Variants in LIMS2 observed in about 807,000 individuals in gnomAD.
LIMS2 encodes the protein LIM zinc finger domain containing 2, also known as LIM and senescent cell antigen-like-containing domain protein 2.
In LIMS2, 30 loss-of-function variants were observed where a neutral mutation model predicts 45.3. The ratio of observed to expected loss-of-function variants is 0.66; its 90% CI spans 0.50 to 0.90. The LOEUF is 0.90. LIMS2 is among the 40% of genes least tolerant of loss of function. LIMS2 has a pLI of 0.00. For missense variants in LIMS2, 485 were observed against 468.7 expected (o/e 1.03, Z -0.32); for synonymous variants, 173 against 188.0 (o/e 0.92, Z 0.65).
intron 1 of LIMS2, among the ~76,000 whole-genome samples, chr2:127,658,045 T>C (rs959127849): frequency 2.0e-5 from 3 of 152,226 alleles, no homozygotes; most frequent in East Asian, 1.9e-4. Context: ...AGTTTCAAAC[T>C]GACTGCCTCC....
upstream of LIMS2, among the ~76,000 whole-genome samples, chr2:127,676,137 TG>T (rs1199358274): frequency 6.6e-6 from 1 of 152,166 alleles, no homozygotes; most frequent in African/African-American, 2.4e-5. Flanking sequence ...AGCTGGACAG[TG>T]GCGTGCAGCT....
At chr2:127,646,111 C>T (rs1682947234) in intron 4 of LIMS2, 1 of 152,314 alleles carries the variant, frequency 6.6e-6, no homozygotes, top group Non-Finnish European at 1.5e-5. Context: ...GCTGTGGTCT[C>T]CCTTCCTCTC....
intron 2 of LIMS2, chr2:127,656,183 G>A (rs921576301): frequency 6.6e-6 from 1 of 152,156 alleles, no homozygotes; most frequent in Non-Finnish European, 1.5e-5. Flanking sequence ...CCCATTGTAC[G>A]CTGATATAAT....
In LIMS2 at chr2:127,655,193, T is replaced by G. The variant is rs575839261; in HGVS notation, c.172-297A>C. The G allele has an allele frequency of 1.3e-5, 7 of 525,894 alleles. No individual in the cohort carries two copies. In the East Asian group the frequency reaches 2.4e-4, roughly 18 times the overall value. The allele number at this position is 525,894 out of a possible 1,614,324, so 32.6% of individuals were successfully genotyped here. ...GACCCTGTTGGTCCGGAGAACAGGCTGGGGGCGAGGCGGTTTTAAGCCAGG... is the reference window on the plus strand; with the variant it reads ...GACCCTGTTGGTCCGGAGAACAGGCGGGGGGCGAGGCGGTTTTAAGCCAGG... On this transcript the variant is annotated intron_variant, in intron 2 of 9. Transcript: ENST00000355119.
intron 1 of LIMS2, among the ~76,000 whole-genome samples, chr2:127,665,684 C>T (rs930366883): frequency 6.6e-6 from 1 of 152,172 alleles, no homozygotes; most frequent in Non-Finnish European, 1.5e-5. Context: ...AAAACTTACA[C>T]CGAAAATGTT....
In LIMS2 at chr2:127,642,165, C is replaced by A; in HGVS notation, c.544G>T (p.Gly182Cys). 6.3e-7 allele frequency: 1 copy of A among 1,580,882 alleles called. No individual in the cohort carries two copies. Among genetic ancestry groups the A allele is most frequent in the Non-Finnish European group, 8.6e-7 (1 of 1,159,500 alleles). Residue 182 changes from glycine (G) to cysteine (C), a missense_variant, in exon 6 of 10, where the codon GGT becomes TGT. Gly to Cys is a radical substitution (Grantham distance 159). Coordinates refer to ENST00000355119, the MANE Select transcript of LIMS2 (RefSeq NM_001161403.3). The surrounding 1 kb of genome is among the most constrained non-coding windows in gnomAD (Gnocchi z 5.3). ...TGGCAGGGCAGGCAGTAGAGCTCAC[C>A]CTTCAGCTCGCGGGCCTCGGCTGTC... ...ELTAEARELK[G>C]ELYCLPCHDK... is the part of the protein sequence containing the mutation.
chr2:127,659,638 C>A (rs902839243), intron 1 of LIMS2, among the ~76,000 whole-genome samples: 18 of 152,190 alleles, frequency 1.2e-4, no homozygotes, highest in African/African-American at 4.3e-4. Flanking sequence ...TTAGAGAAGT[C>A]GGAAATCAAC....
intron 1 of LIMS2, among the ~76,000 whole-genome samples, chr2:127,680,989 C>G (rs560595798): frequency 2.6e-5 from 4 of 152,340 alleles, no homozygotes; most frequent in African/African-American, 7.2e-5. Flanking sequence ...CTTCCACATA[C>G]TGAGGGTCAC....
Position 127,664,357 on chromosome 2 carries a change from G to A in LIMS2, c.12-6795C>T, listed in dbSNP as rs1352624281. 24 of 1,219,060 alleles carry A rather than the reference G, an allele frequency of 2.0e-5. No homozygotes were observed. Among genetic ancestry groups the A allele is most frequent in the Non-Finnish European group, 2.3e-5 (23 of 979,940 alleles). The allele number at this position is 1,219,060 out of a possible 1,614,324, so 75.5% of individuals were successfully genotyped here. A position where few individuals can be genotyped will look rare whatever the true frequency, so the allele number is the denominator to read the frequency against. On this transcript the variant is annotated intron_variant, in intron 1 of 9. Coordinates refer to ENST00000355119, the MANE Select transcript of LIMS2 (RefSeq NM_001161403.3). The surrounding 1 kb of genome is among the most constrained non-coding windows in gnomAD (Gnocchi z 5.5). ...GTGCTGGCGCCGCCGGTACAGCCCC[G>A]ACGCGGCCAGCGCACCCAGCCGGGC...
chr2:127,648,234 G>C (rs1283222519), intron 4 of LIMS2: 3 of 982,612 alleles, frequency 3.1e-6, no homozygotes, highest in Admixed American at 6.1e-5. Context: ...CATCTCTGGT[G>C]TTAGAACTTC....
chr2:127,660,018 A>G (rs993362121), intron 1 of LIMS2, among the ~76,000 whole-genome samples: 1 of 151,926 alleles, frequency 6.6e-6, no homozygotes, highest in African/African-American at 2.4e-5. Flanking sequence ...CACACCCTCA[A>G]CTAGCACTCC....
chr2:127,658,997 G>A (rs1043875487), intron 1 of LIMS2, among the ~76,000 whole-genome samples: 5 of 152,232 alleles, frequency 3.3e-5, no homozygotes, highest in Admixed American at 3.3e-4. Context: ...ATCTGGGCAG[G>A]GCCAGTCTGA....
chr2:127,642,858 G>T lies in LIMS2; in HGVS notation c.509+65C>A. Reference sequence around the variant, plus strand: ...CACTTCCCCAGGTGGAGGCCCCACCGCCCTTACCCTGGGCCAGCCCTGGCT... The same window carrying T: ...CACTTCCCCAGGTGGAGGCCCCACCTCCCTTACCCTGGGCCAGCCCTGGCT... On this transcript the variant is annotated intron_variant, in intron 5 of 9. Coordinates refer to ENST00000355119, the MANE Select transcript of LIMS2 (RefSeq NM_001161403.3). This position sits in a 1 kb window ranked among gnomAD's most constrained non-coding sequence, Gnocchi z 5.3. 6.6e-7 allele frequency: 1 copy of T among 1,510,844 alleles called. No homozygotes were observed. Among genetic ancestry groups the T allele is most frequent in the South Asian group, 1.2e-5 (1 of 80,842 alleles). 93.6% of individuals were successfully genotyped at this position (1,510,844 alleles called of 1,614,324 possible).
At chr2:127,639,556 G>T in intron 9 of LIMS2, 128 bp from the exon 10 acceptor site, 2 of 1,158,964 alleles carry the variant, frequency 1.7e-6, no homozygotes, top group Non-Finnish European at 2.5e-6. Context: ...CAGCAGGCCA[G>T]GCCCTAGGGT....
intron 6 of LIMS2, 49 bp downstream of exon 6, chr2:127,642,000 G>A (rs765810684): frequency 6.9e-6 from 11 of 1,591,456 alleles, no homozygotes; most frequent in East Asian, 6.9e-5. Context: ...ATGACCCTGA[G>A]CTGGGGCACC....
intron 1 of LIMS2, chr2:127,673,529 C>G (rs1685367099): frequency 1.3e-6 from 1 of 784,950 alleles, no homozygotes; most frequent in Non-Finnish European, 2.1e-6. Flanking sequence ...GCCTCCGTCT[C>G]CAGGGAAAGG....
At position 127,651,078 on chromosome 2, in the gene LIMS2, A is replaced by G. The variant is rs1177259347; in HGVS notation, c.359+3346T>C. 6 of 1,613,538 alleles carry G rather than the reference A, an allele frequency of 3.7e-6. No individual in the cohort carries two copies. In the Admixed American group the frequency reaches 8.3e-5, roughly 22 times the overall value. Reference sequence around the variant, plus strand: ...CACCGGCTTCCTCTTCTACCTCAACATGTACGCCAGCATCTACTTCCTCAC... The same window carrying G: ...CACCGGCTTCCTCTTCTACCTCAACGTGTACGCCAGCATCTACTTCCTCAC... On this transcript the variant is annotated intron_variant, in intron 4 of 9. Transcript: ENST00000355119.
intron 2 of LIMS2, chr2:127,655,101 C>T (rs1018058903): frequency 3.1e-6 from 2 of 636,650 alleles, no homozygotes; most frequent in African/African-American, 1.8e-5. Context: ...GGGAGGTGCC[C>T]CCGTGGAAGC....
intron 9 of LIMS2, 121 bp downstream of exon 9, chr2:127,639,949 C>T: frequency 1.9e-6 from 2 of 1,069,042 alleles, no homozygotes; most frequent in African/African-American, 3.1e-5. Context: ...GGCCGGGCTG[C>T]CCCTTGTCCC....
Sources: gnomAD v4.1 joint callset for allele counts (sites outside exome capture counted in the v4.1 genomes callset) on GRCh38, gnomAD v4.1.1 for gene constraint, Gnocchi (gnomAD v3.1) non-coding constraint, MANE v1.5 for transcripts, NCBI Gene and HGNC (gene_info 2026-07-23, HGNC 2026-07-21) for gene names.